The following YTHDC2 variants were observed in gnomAD, a reference collection of about 807,000 sequenced individuals.
YTHDC2 encodes the protein YTH N6-methyladenosine RNA binding protein C2, also known as 3'-5' RNA helicase YTHDC2.
In YTHDC2, 45 loss-of-function variants were observed where a neutral mutation model predicts 174.9. The ratio of observed to expected loss-of-function variants is 0.26; its 90% confidence interval spans 0.20 to 0.33. YTHDC2 has a LOEUF of 0.33. Ranked by LOEUF, YTHDC2 falls within the 10% of genes least tolerant of loss-of-function variation. The pLI, the probability that YTHDC2 is intolerant of heterozygous loss-of-function variation, is 1.00. For missense variants in YTHDC2, 1,650 were observed against 1,723.7 expected (o/e 0.96, Z 0.76); for synonymous variants, 657 against 574.5 (o/e 1.14, Z -2.05).
At chr5:113,527,371 G>GTTTTACTCA (rs1774336140) in intron 4 of YTHDC2, among the ~76,000 whole-genome samples, 2 of 152,262 alleles carry the variant, frequency 1.3e-5, no homozygotes, top group South Asian at 4.1e-4. Flanking sequence ...TCCTTATGAA[G>GTTTTACTCA]TTTTACTCAT....
chr5:113,583,644 C>G (rs902441037), intron 25 of YTHDC2: 35 of 152,198 alleles, frequency 2.3e-4, no homozygotes, highest in African/African-American at 7.2e-4. Context: ...CCACCACGCC[C>G]GGCTAATTTT....
chr5:113,518,992 G>A (rs560898671), intron 2 of YTHDC2, among the ~76,000 whole-genome samples: 2 of 151,780 alleles, frequency 1.3e-5, no homozygotes, highest in African/African-American at 4.8e-5. Flanking sequence ...GGCTTTCCTC[G>A]CAAGTAGATA....
intron 23 of YTHDC2, among the ~76,000 whole-genome samples, chr5:113,573,297 C>T (rs1320186408): frequency 2.0e-5 from 3 of 152,144 alleles, no homozygotes; most frequent in Non-Finnish European, 4.4e-5. Flanking sequence ...ATATTGGCCC[C>T]CAATCTCTTC....
At chr5:113,590,983 A>T (rs1778973008) in intron 26 of YTHDC2, 58 bp from the exon 27 acceptor site, 5 of 1,420,912 alleles carry the variant, frequency 3.5e-6, no homozygotes, top group Non-Finnish European at 4.8e-6. Context: ...TATTTAATGG[A>T]GCCTCTTGGT....
At chr5:113,545,140 CTGTT>C (rs1775770270) in intron 10 of YTHDC2, among the ~76,000 whole-genome samples, 1 of 152,098 alleles carries the variant, frequency 6.6e-6, no homozygotes, top group African/African-American at 2.4e-5. Flanking sequence ...TAAGCTTTCT[CTGTT>C]TGTCAATTTG....
At chr5:113,572,426 A>G (rs960874594) in intron 23 of YTHDC2, among the ~76,000 whole-genome samples, 1 of 152,232 alleles carries the variant, frequency 6.6e-6, no homozygotes, top group African/African-American at 2.4e-5. Context: ...TGGCGATGAG[A>G]AGAATGTATA....
At chr5:113,580,061 G>T (rs1778305124) in intron 24 of YTHDC2, 2 of 382,596 alleles carry the variant, frequency 5.2e-6, no homozygotes, top group Non-Finnish European at 7.2e-6. Context: ...TAGAGTGGAG[G>T]AATACTGTGT....
chr5:113,538,142 G>A lies in YTHDC2; in HGVS notation c.1103-932G>A, dbSNP rs894462239. Among the ~76,000 whole-genome samples the A allele has an allele frequency of 4.1e-5, 6 of 147,226 alleles. No homozygotes were observed. The East Asian group carries it at 5.8e-4, about 14-fold the overall frequency. On this transcript the variant is annotated intron_variant, in intron 7 of 29. Coordinates refer to ENST00000161863, the MANE Select transcript of YTHDC2 (RefSeq NM_022828.5). Reference sequence around the variant, plus strand: ...CTGAGTTCTACGGATTTTACCTCCCGCCTAGCTCTAGAATTTGTCTGCTTC... The same window carrying A: ...CTGAGTTCTACGGATTTTACCTCCCACCTAGCTCTAGAATTTGTCTGCTTC...
Position 113,595,088 on chromosome 5 carries a change from A to AG in YTHDC2, c.*1615dup, listed in dbSNP as rs1227726323. 1 of 152,140 alleles carries AG rather than the reference A, an allele frequency of 6.6e-6. No homozygotes were observed. The highest frequency in any genetic ancestry group is 6.5e-5 in the Admixed American group (1 of 15,268). 9.4% of individuals were successfully genotyped at this position (152,140 alleles called of 1,614,324 possible). On this transcript the variant is annotated 3_prime_UTR_variant, in exon 30 of 30. Coordinates refer to ENST00000161863, the MANE Select transcript of YTHDC2 (RefSeq NM_022828.5). ...TACATTTTTTAGGCATGTACTTAATAGTTCACAATGTTCTAAATTTGGAAG... is the reference window on the plus strand; with the variant it reads ...TACATTTTTTAGGCATGTACTTAATAGGTTCACAATGTTCTAAATTTGGAAG...
intron 23 of YTHDC2, among the ~76,000 whole-genome samples, chr5:113,569,627 C>T (rs1777584165): frequency 6.6e-6 from 1 of 152,056 alleles, no homozygotes; most frequent in Non-Finnish European, 1.5e-5. Flanking sequence ...TTGTTTTTGT[C>T]AGGTTTGTTA....
intron 10 of YTHDC2, among the ~76,000 whole-genome samples, chr5:113,544,098 A>G (rs541655761): frequency 3.9e-5 from 6 of 152,316 alleles, no homozygotes; most frequent in Admixed American, 6.5e-5. Context: ...CTGTGTCACC[A>G]GAGATTCATC....
chr5:113,563,233 A>T, intron 18 of YTHDC2, 140 bp from the exon 19 acceptor site: 2 of 657,440 alleles, frequency 3.0e-6, no homozygotes, highest in Non-Finnish European at 4.7e-6. Flanking sequence ...TTACAGAAAG[A>T]CATTGTTCCT....
chr5:113,540,994 G>A lies in YTHDC2; in HGVS notation c.1237G>A (p.Glu413Lys). The A allele has an allele frequency of 1.2e-6, 2 of 1,613,830 alleles. No individual in the cohort carries two copies. The highest frequency in any genetic ancestry group is 1.7e-6 in the Non-Finnish European group (2 of 1,179,878). Residue 413 changes from glutamate to lysine, a missense_variant, in exon 9 of 30, where the codon GAA (glutamate) becomes AAA (lysine). This residue lies in a region of YTHDC2 where 411 missense variants were observed against 380.6 expected (regional missense o/e 1.08). Transcript: ENST00000161863. The stretch of plus-strand genomic sequence containing the variant: ...AGAGAAACAACAAACCACACTTACA[G>A]AATGGTACTCAGCTCAAGAAAATAG... ...QEEKQQTTLTEWYSAQENSFK... is the reference protein window; with the variant it reads ...QEEKQQTTLTKWYSAQENSFK...
At chr5:113,560,835 A>G (rs1042652680) in intron 17 of YTHDC2, among the ~76,000 whole-genome samples, 5 of 152,162 alleles carry the variant, frequency 3.3e-5, no homozygotes, top group Non-Finnish European at 7.4e-5. Flanking sequence ...TTTGATTTTT[A>G]CCATAACCCT....
intron 17 of YTHDC2, among the ~76,000 whole-genome samples, chr5:113,558,005 A>T (rs1316418555): frequency 2.0e-5 from 3 of 152,190 alleles, no homozygotes; most frequent in Non-Finnish European, 4.4e-5. Context: ...AAATTAAGCA[A>T]TTTTAATACA....
chr5:113,539,816 C>T (rs1244785384), intron 8 of YTHDC2, among the ~76,000 whole-genome samples: 1 of 151,890 alleles, frequency 6.6e-6, no homozygotes, highest in African/African-American at 2.4e-5. Flanking sequence ...AAAATGTAAT[C>T]AGCAATGCTG....
At chr5:113,558,362 C>G (rs1028674453) in intron 17 of YTHDC2, among the ~76,000 whole-genome samples, 2 of 152,110 alleles carry the variant, frequency 1.3e-5, no homozygotes, top group African/African-American at 4.8e-5. Flanking sequence ...CAGTAGGAGG[C>G]TTCTTCATTA....
intron 23 of YTHDC2, among the ~76,000 whole-genome samples, chr5:113,577,938 C>T (rs1778164157): frequency 6.6e-6 from 1 of 152,002 alleles, no homozygotes; most frequent in African/African-American, 2.4e-5. Flanking sequence ...CTTTATTAAA[C>T]TCATTAATCC....
chr5:113,526,738 A>G lies in YTHDC2; in HGVS notation c.628A>G (p.Lys210Glu), dbSNP rs754704695. Residue 210 changes from lysine (K) to glutamate (E), a missense_variant, in exon 4 of 30, where the codon AAA becomes GAA. Lys to Glu is a moderately conservative substitution (Grantham distance 56). This residue lies in a region of YTHDC2 where 304 missense variants were observed against 341.4 expected (regional missense o/e 0.89). Coordinates refer to ENST00000161863, the MANE Select transcript of YTHDC2 (RefSeq NM_022828.5). Reference protein sequence around the residue: ...EEIVKIIKENKVVLIVGETGS... With the variant: ...EEIVKIIKENEVVLIVGETGS... ...AATTGTTAAAATAATTAAGGAAAAT[A>G]AAGTAGTTTTGATTGTAGGAGAAAC... 1.3e-6 allele frequency: 2 copies of G among 1,568,146 alleles called. No individual in the cohort carries two copies. The highest frequency in any genetic ancestry group is 2.4e-5 in the South Asian group (2 of 84,106).
Sources: gnomAD v4.1 joint callset for allele counts (sites outside exome capture counted in the v4.1 genomes callset) on GRCh38, gnomAD v4.1.1 for gene constraint, gnomAD v4.1.1 regional missense constraint, MANE v1.5 for transcripts, NCBI Gene and HGNC (gene_info 2026-07-23, HGNC 2026-07-21) for gene names.